The following PCLO variants were observed in gnomAD, a reference collection of about 807,000 sequenced individuals.
The protein encoded by PCLO is piccolo presynaptic cytomatrix protein, also known as protein piccolo.
In PCLO, 82 loss-of-function variants were observed where a neutral mutation model predicts 427.5. The observed-to-expected ratio is 0.19, with a 90% CI of 0.16 to 0.23. The LOEUF is 0.23. Ranked by LOEUF, PCLO falls within the 10% of genes least tolerant of loss-of-function variation. The pLI is 1.00. For missense variants in PCLO, 6,239 were observed against 6,115.9 expected (o/e 1.02, Z -0.67); for synonymous variants, 2,357 against 2,155.4 (o/e 1.09, Z -2.59).
At chr7:82,846,778 C>T in intron 11 of PCLO, 144 bp from the exon 12 acceptor site, 2 of 597,928 alleles carry the variant, frequency 3.3e-6, no homozygotes, top group East Asian at 2.8e-5. Context: ...GCCTACCATC[C>T]TAACCCAATA....
intron 9 of PCLO, among the ~76,000 whole-genome samples, chr7:82,892,120 T>G (rs1172146981): frequency 2.6e-5 from 4 of 152,028 alleles, no homozygotes; most frequent in African/African-American, 9.7e-5. Flanking sequence ...CATAGCCAAG[T>G]CAATCCTAAG....
chr7:82,772,807 C>T (rs1047521152), intron 22 of PCLO, among the ~76,000 whole-genome samples: 1 of 151,978 alleles, frequency 6.6e-6, no homozygotes, highest in Non-Finnish European at 1.5e-5. Flanking sequence ...CTGAAAATAA[C>T]CAGATTTCTT....
chr7:82,975,056 C>T lies in PCLO; in HGVS notation c.3301-8569G>A, dbSNP rs368606224. Among the ~76,000 whole-genome samples the T allele has an allele frequency of 8.5e-5, 13 of 152,208 alleles. No individual in the cohort carries two copies. In the East Asian group the frequency reaches 1.9e-3, roughly 23 times the overall value. ...CCTCCCAAAGTGCTGGGATTACAGG[C>T]GTGAGCCACCGTGCCCAGCAGGTAT... On this transcript the variant is annotated intron_variant, in intron 3 of 24. Transcript: ENST00000333891.
At chr7:83,070,667 G>A (rs552802273) in intron 3 of PCLO, among the ~76,000 whole-genome samples, 23 of 152,314 alleles carry the variant, frequency 1.5e-4, no homozygotes, top group Admixed American at 2.0e-4. Flanking sequence ...GATTACAGGC[G>A]TGAGCCACTG....
At chr7:82,845,161 T>G in intron 13 of PCLO, 110 bp downstream of exon 13, 1 of 771,454 alleles carries the variant, frequency 1.3e-6, no homozygotes, top group Non-Finnish European at 2.1e-6. Context: ...CATCTGGAAA[T>G]GAGAAATCAT....
Position 82,965,894 on chromosome 7 carries a change from T to C in PCLO, c.3894A>G (p.Leu1298=), listed in dbSNP as rs372679237. The C allele has an allele frequency of 3.6e-5, 58 of 1,613,560 alleles. No homozygotes were observed. Among genetic ancestry groups the C allele is most frequent in the Non-Finnish European group, 4.9e-5 (58 of 1,179,584 alleles). The change falls in exon 4 of 25, where the codon TTA becomes TTG. Residue 1298 remains leucine, a synonymous_variant. Coordinates refer to ENST00000333891, the MANE Select transcript of PCLO (RefSeq NM_033026.6). ...GKQPQTKMEG[L]PSGTPQSLPK... is the part of the protein sequence containing the mutation. ...GTAAACTCTGAGGTGTGCCAGATGGTAAACCTTCCATCTTGGTCTGTGGTT... is the reference window on the plus strand; with the variant it reads ...GTAAACTCTGAGGTGTGCCAGATGGCAAACCTTCCATCTTGGTCTGTGGTT...
At chr7:82,979,329 A>G (rs1471950975) in intron 3 of PCLO, among the ~76,000 whole-genome samples, 1 of 152,196 alleles carries the variant, frequency 6.6e-6, no homozygotes, top group Admixed American at 6.5e-5. Flanking sequence ...GTTAAATTTG[A>G]AAACATGATT....
At chr7:82,845,020 T>C (rs1367006296) in intron 13 of PCLO, among the ~76,000 whole-genome samples, 1 of 152,108 alleles carries the variant, frequency 6.6e-6, no homozygotes, top group Non-Finnish European at 1.5e-5. Flanking sequence ...AAATATAAAG[T>C]ATCAGAGACA....
intron 22 of PCLO, among the ~76,000 whole-genome samples, chr7:82,799,487 T>C (rs10231679): frequency 0.36 from 54,785 of 151,872 alleles, 10,466 homozygotes; most frequent in African/African-American, 0.46. Context: ...GGGGAGAGGG[T>C]GAATTAAGTG....
intron 3 of PCLO, among the ~76,000 whole-genome samples, chr7:83,133,635 G>T (rs567883480): frequency 6.6e-6 from 1 of 151,706 alleles, no homozygotes; most frequent in East Asian, 2.0e-4. Flanking sequence ...ATATCATACA[G>T]ATGCCCAATA....
intron 22 of PCLO, among the ~76,000 whole-genome samples, chr7:82,766,741 C>T (rs1472097861): frequency 2.6e-5 from 4 of 152,198 alleles, no homozygotes; most frequent in Admixed American, 6.6e-5. Context: ...TGTTGTTTTT[C>T]GCCTTCTCAC....
intron 21 of PCLO, among the ~76,000 whole-genome samples, chr7:82,804,332 C>T (rs1290170131): frequency 4.6e-5 from 7 of 152,034 alleles, no homozygotes; most frequent in Non-Finnish European, 8.8e-5. Flanking sequence ...TAAGAATTTG[C>T]TTAATTTAAA....
chr7:82,903,817 G>GA, intron 8 of PCLO, among the ~76,000 whole-genome samples: 1 of 151,938 alleles, frequency 6.6e-6, no homozygotes, highest in African/African-American at 2.4e-5. Flanking sequence ...ACAGAATTTA[G>GA]AACTAAAGAG....
At chr7:83,149,022 G>C (rs1222072000) in intron 2 of PCLO, among the ~76,000 whole-genome samples, 1 of 152,092 alleles carries the variant, frequency 6.6e-6, no homozygotes, top group Non-Finnish European at 1.5e-5. Context: ...CCCCATTGTG[G>C]GAGAGAAGCA....
chr7:82,796,719 T>C (rs1247916669), intron 22 of PCLO, among the ~76,000 whole-genome samples: 2 of 150,150 alleles, frequency 1.3e-5, no homozygotes, highest in Admixed American at 6.7e-5. Context: ...ACAATAGGTG[T>C]GGTACAGTCA....
intron 22 of PCLO, among the ~76,000 whole-genome samples, chr7:82,773,735 T>A (rs906856910): frequency 1.3e-5 from 2 of 151,988 alleles, no homozygotes; most frequent in Admixed American, 6.6e-5. Context: ...TTTTTTTTTT[T>A]ATTCTCTTCA....
At position 83,057,597 on chromosome 7, in the gene PCLO, G is replaced by A. The variant is rs919733707; in HGVS notation, c.3300+76653C>T. On this transcript the variant is annotated intron_variant, in intron 3 of 24. Coordinates refer to ENST00000333891, the MANE Select transcript of PCLO (RefSeq NM_033026.6). ...AGGATGGTCTCGATCTCCTGACCTC[G>A]TGATCCACCCGCCTCGGCCTCCCAA... is the stretch of plus-strand genomic sequence containing the variant. 5.3e-5 allele frequency among the ~76,000 whole-genome samples: 8 copies of A among 150,054 alleles called. 1 individual carries two copies. The highest frequency in any genetic ancestry group is 4.2e-4 in the South Asian group (2 of 4,734).
intron 9 of PCLO, among the ~76,000 whole-genome samples, chr7:82,884,965 T>C (rs191010774): frequency 1.6e-3 from 251 of 152,274 alleles, no homozygotes; most frequent in Non-Finnish European, 2.4e-3. Context: ...CTATTCTAAT[T>C]CAAAATTAAA....
chr7:83,160,458 T>C (rs750132129), intron 1 of PCLO, among the ~76,000 whole-genome samples: 35 of 152,144 alleles, frequency 2.3e-4, no homozygotes, highest in Non-Finnish European at 5.9e-5. Context: ...GGTAACCATA[T>C]ATAGGGAAAA....
Sources: gnomAD v4.1 joint callset for allele counts (sites outside exome capture counted in the v4.1 genomes callset) on GRCh38, gnomAD v4.1.1 for gene constraint, MANE v1.5 for transcripts, NCBI Gene and HGNC (gene_info 2026-07-23, HGNC 2026-07-21) for gene names.